The following CXCR4 variants were observed in gnomAD, a reference collection of about 807,000 sequenced individuals.
The protein encoded by CXCR4 is C-X-C chemokine receptor type 4.
A neutral mutation model predicts 22.4 loss-of-function variants in CXCR4; 6 were observed. The ratio of observed to expected loss-of-function variants is 0.27; its 90% confidence interval spans 0.15 to 0.53. The LOEUF is 0.53. Ranked by LOEUF, CXCR4 falls within the 20% of genes least tolerant of loss-of-function variation. CXCR4 has a pLI of 0.96. For missense variants in CXCR4, 300 were observed against 430.4 expected (o/e 0.70, Z 2.68); for synonymous variants, 155 against 171.7 (o/e 0.90, Z 0.76).
rs996591223 is a variant in CXCR4, at chr2:136,117,759, G to A, written c.15+287C>T. The A allele has an allele frequency of 1.1e-5, 5 of 435,630 alleles. No homozygotes were observed. In the Admixed American group the frequency reaches 1.3e-4, roughly 11 times the overall value. The allele number at this position is 435,630 out of a possible 1,614,324, so 27.0% of individuals were successfully genotyped here. On this transcript the variant is annotated intron_variant, in intron 1 of 1. Transcript: ENST00000241393. ...GAATGTTCTTACGTTTGCAAACAGCGTGCAAGCCGCCGCGCGCGGCGGGAC... is the reference window on the plus strand; with the variant it reads ...GAATGTTCTTACGTTTGCAAACAGCATGCAAGCCGCCGCGCGCGGCGGGAC...
intron 1 of CXCR4, among the ~76,000 whole-genome samples, chr2:136,116,853 G>A (rs1171645731): frequency 6.6e-6 from 1 of 152,120 alleles, no homozygotes; most frequent in East Asian, 1.9e-4. Context: ...GGGCCGGGTC[G>A]TCCAGCCCCG....
At chr2:136,117,972 C>G (rs1684965336) in intron 1 of CXCR4, 74 bp downstream of exon 1, 1 of 1,524,708 alleles carries the variant, frequency 6.6e-7, no homozygotes, top group Non-Finnish European at 9.1e-7. Flanking sequence ...CGCTTCTGCC[C>G]GCTCGGAGAG....
Position 136,115,244 on chromosome 2 carries a change from G to C in CXCR4, c.684C>G (p.His228Gln), listed in dbSNP as rs762625278. The change falls in exon 2 of 2, where the codon CAC (histidine) becomes CAG (glutamine). Residue 228 changes from histidine to glutamine, a missense_variant. Physicochemically the swap from His to Gln is conservative, Grantham distance 24. Coordinates refer to ENST00000241393, the MANE Select transcript of CXCR4 (RefSeq NM_003467.3). This position sits in a 1 kb window ranked among gnomAD's most constrained non-coding sequence, Gnocchi z 6.4. ...CCTTGCGCTTCTGGTGGCCCTTGGA[G>C]TGTGACAGCTTGGAGATGATAATGC... ...CYCIIISKLS[H>Q]SKGHQKRKAL... 1.2e-6 allele frequency: 2 copies of C among 1,614,192 alleles called. No homozygotes were observed. The highest frequency in any genetic ancestry group is 2.2e-5 in the East Asian group (1 of 44,890).
At chr2:136,117,356 GT>G (rs11323000) in intron 1 of CXCR4, among the ~76,000 whole-genome samples, 152,110 of 152,112 alleles carry the variant, frequency 1, 76,054 homozygotes, top group Middle Eastern at 1. Flanking sequence ...CGGCGGGAAG[GT>G]TTTCCCCCTC....
At position 136,118,060 on chromosome 2, in the gene CXCR4, TG is replaced by T; in HGVS notation, c.-1del. 2 of 1,613,830 alleles carry T rather than the reference TG, an allele frequency of 1.2e-6. No individual in the cohort carries two copies. Among genetic ancestry groups the T allele is most frequent in the East Asian group, 4.5e-5 (2 of 44,860 alleles). Reference sequence around the variant, plus strand: ...ACTGGACTTACACTGATCCCCTCCATGGTAACCGCTGGTTCTCCAGATGCGG... The same window carrying T: ...ACTGGACTTACACTGATCCCCTCCATGTAACCGCTGGTTCTCCAGATGCGG... On this transcript the variant is annotated 5_prime_UTR_variant, in exon 1 of 2. Transcript: ENST00000241393.
At position 136,115,522 on chromosome 2, in the gene CXCR4, G is replaced by A; in HGVS notation, c.406C>T (p.Leu136=). The A allele has an allele frequency of 6.2e-7, 1 of 1,614,178 alleles. No homozygotes were observed. The highest frequency in any genetic ancestry group is 2.2e-5 in the East Asian group (1 of 44,886). ...CTGTTGGTGGCGTGGACGATGGCCA[G>A]GTAGCGGTCCAGACTGATGAAGGCC... ...ILAFISLDRY[L]AIVHATNSQR... Residue 136 remains leucine (L), a synonymous_variant, in exon 2 of 2, where the codon CTG becomes TTG. Coordinates refer to ENST00000241393, the MANE Select transcript of CXCR4 (RefSeq NM_003467.3). The surrounding 1 kb of genome is among the most constrained non-coding windows in gnomAD (Gnocchi z 6.4).
Position 136,115,975 on chromosome 2 carries a change from A to C in CXCR4, c.16-63T>G. ...TTCAGCAAGCATTAACCCAGTTAAA[A>C]AAAATTTTTAAAGCAATTTAAAAAA... is the stretch of plus-strand genomic sequence containing the variant. On this transcript the variant is annotated intron_variant, in intron 1 of 1. Coordinates refer to ENST00000241393, the MANE Select transcript of CXCR4 (RefSeq NM_003467.3). This position sits in a 1 kb window ranked among gnomAD's most constrained non-coding sequence, Gnocchi z 6.4. 2 of 1,613,208 alleles carry C rather than the reference A, an allele frequency of 1.2e-6. No homozygotes were observed. Among genetic ancestry groups the C allele is most frequent in the Non-Finnish European group, 1.7e-6 (2 of 1,179,886 alleles).
chr2:136,117,146 C>T (rs1558837865), intron 1 of CXCR4, among the ~76,000 whole-genome samples: 2 of 152,312 alleles, frequency 1.3e-5, no homozygotes, highest in South Asian at 4.1e-4. Context: ...TTCGCGGCGG[C>T]GACCTGGCAG....
At chr2:136,117,336 G>A (rs11682928) in intron 1 of CXCR4, among the ~76,000 whole-genome samples, 22,856 of 130,682 alleles carry the variant, frequency 0.17, 2,383 homozygotes, top group South Asian at 0.28. Context: ...GGGAAGAGGC[G>A]CGCTTCGGAC....
chr2:136,114,779 G>T lies in CXCR4; in HGVS notation c.*90C>A. ...AAAAATCCAACAAGCAATAAAAACT[G>T]TACAATATTGGTCAGTCTTTTATAT... On this transcript the variant is annotated 3_prime_UTR_variant, in exon 2 of 2. Coordinates refer to ENST00000241393, the MANE Select transcript of CXCR4 (RefSeq NM_003467.3). 2 of 1,172,926 alleles carry T rather than the reference G, an allele frequency of 1.7e-6. No homozygotes were observed. Among genetic ancestry groups the T allele is most frequent in the Non-Finnish European group, 2.4e-6 (2 of 817,318 alleles). The allele number at this position is 1,172,926 out of a possible 1,614,324, so 72.7% of individuals were successfully genotyped here.
rs1195239165 is a variant in CXCR4, at chr2:136,114,709, T to A, written c.*160A>T. ...CAATATGAAACAAAAAAAATTTATA[T>A]AAATAAGTCAATTAAACTTCACAAA... On this transcript the variant is annotated 3_prime_UTR_variant, in exon 2 of 2. Coordinates refer to ENST00000241393, the MANE Select transcript of CXCR4 (RefSeq NM_003467.3). The A allele has an allele frequency of 1.2e-5, 8 of 652,720 alleles. No homozygotes were observed. The highest frequency in any genetic ancestry group is 3.7e-5 in the African/African-American group (2 of 54,424). 40.4% of individuals were successfully genotyped at this position (652,720 alleles called of 1,614,324 possible).
intron 1 of CXCR4, chr2:136,116,358 CG>C (rs1332942801): frequency 2.3e-6 from 1 of 442,828 alleles, no homozygotes; most frequent in East Asian, 1.2e-4. Flanking sequence ...AGAAGTTTTT[CG>C]CCCAGGGAGG....
At chr2:136,116,841 G>A (rs2104919906) in intron 1 of CXCR4, among the ~76,000 whole-genome samples, 1 of 152,242 alleles carries the variant, frequency 6.6e-6, no homozygotes, top group African/African-American at 2.4e-5. Flanking sequence ...TGGGCACGCG[G>A]GGGGCCGGGT....
At chr2:136,116,899 G>T (rs1395434412) in intron 1 of CXCR4, among the ~76,000 whole-genome samples, 2 of 152,186 alleles carry the variant, frequency 1.3e-5, no homozygotes, top group African/African-American at 2.4e-5. Context: ...CACGCCAACC[G>T]CCCGCAAGCA....
In CXCR4 at chr2:136,114,750, A is replaced by T; in HGVS notation, c.*119T>A. 3.2e-6 allele frequency: 3 copies of T among 937,790 alleles called. No homozygotes were observed. The highest frequency in any genetic ancestry group is 4.8e-6 in the Non-Finnish European group (3 of 629,836). 58.1% of individuals were successfully genotyped at this position (937,790 alleles called of 1,614,324 possible). Reference sequence around the variant, plus strand: ...ACTTCACAAAAACTAAAGAAACACAAGACAAAAATCCAACAAGCAATAAAA... The same window carrying T: ...ACTTCACAAAAACTAAAGAAACACATGACAAAAATCCAACAAGCAATAAAA... On this transcript the variant is annotated 3_prime_UTR_variant, in exon 2 of 2. Transcript: ENST00000241393.
At chr2:136,117,744 A>G (rs1684954628) in intron 1 of CXCR4, 3 of 382,448 alleles carry the variant, frequency 7.8e-6, no homozygotes, top group East Asian at 5.6e-5. Flanking sequence ...GAATGTTCTT[A>G]CGTTTGCAAA....
chr2:136,117,696 C>T (rs867626998), intron 1 of CXCR4: 10 of 226,600 alleles, frequency 4.4e-5, no homozygotes, highest in Middle Eastern at 1.5e-3. Context: ...GGTCTGAGTC[C>T]CGAGGCAGCG....
In CXCR4 at chr2:136,115,225, G is replaced by A. The variant is rs1272938495; in HGVS notation, c.703C>T (p.Arg235Cys). 6 of 1,613,934 alleles carry A rather than the reference G, an allele frequency of 3.7e-6. No individual in the cohort carries two copies. Among genetic ancestry groups the A allele is most frequent in the Non-Finnish European group, 5.1e-6 (6 of 1,180,020 alleles). The stretch of plus-strand genomic sequence containing the variant: ...ATGACTGTGGTCTTGAGGGCCTTGC[G>A]CTTCTGGTGGCCCTTGGAGTGTGAC... ...KLSHSKGHQKRKALKTTVILI... is the reference protein window; with the variant it reads ...KLSHSKGHQKCKALKTTVILI... Residue 235 changes from arginine to cysteine, a missense_variant, in exon 2 of 2, where the codon CGC becomes TGC. This residue lies in a region of CXCR4 where 137 missense variants were observed against 153.2 expected (regional missense o/e 0.89). Transcript: ENST00000241393. The surrounding 1 kb of genome is among the most constrained non-coding windows in gnomAD (Gnocchi z 6.4).
rs1302147452 is a variant in CXCR4, at chr2:136,115,763, G to T, written c.165C>A (p.Gly55=). ...YSIIFLTGIV[G]NGLVILVMGY... ...CCATGACCAGGATGACCAATCCATT[G>T]CCCACAATGCCAGTTAAGAAGATGA... The change falls in exon 2 of 2, where the codon GGC becomes GGA. Residue 55 remains glycine (G), a synonymous_variant. Transcript: ENST00000241393. This position sits in a 1 kb window ranked among gnomAD's most constrained non-coding sequence, Gnocchi z 6.4. 4 of 1,614,202 alleles carry T rather than the reference G, an allele frequency of 2.5e-6. No individual in the cohort carries two copies. The highest frequency in any genetic ancestry group is 3.4e-6 in the Non-Finnish European group (4 of 1,180,040).
Sources: gnomAD v4.1 joint callset for allele counts (sites outside exome capture counted in the v4.1 genomes callset) on GRCh38, gnomAD v4.1.1 for gene constraint, gnomAD v4.1.1 regional missense constraint, Gnocchi (gnomAD v3.1) non-coding constraint, MANE v1.5 for transcripts, NCBI Gene and HGNC (gene_info 2026-07-23, HGNC 2026-07-21) for gene names.